RGS20: variants seen among roughly 807,000 people sequenced by gnomAD.
RGS20 encodes regulator of G protein signaling 20.
A neutral mutation model predicts 33.6 loss-of-function variants in RGS20; 30 were observed. That is an observed-to-expected ratio of 0.89 (90% CI 0.67 to 1.21). The LOEUF (loss-of-function observed/expected upper bound fraction) is 1.21, where lower values mean the gene tolerates loss of function less well. RGS20 is among the 50% of genes most tolerant of loss of function. RGS20 has a pLI of 0.00. For synonymous variants in RGS20, 208 were observed against 197.9 expected, an observed-to-expected ratio of 1.05 and a Z score of -0.43; for missense variants, 472 against 502.4, an observed-to-expected ratio of 0.94 and a Z score of 0.58.
At chr8:53,906,446 G>A (rs1172638281) in intron 2 of RGS20, among the ~76,000 whole-genome samples, 1 of 152,076 alleles carries the variant, frequency 6.6e-6, no homozygotes, top group African/African-American at 2.4e-5. Context: ...TAAGTGTGCT[G>A]GCAAATGTGG....
At chr8:53,904,968 A>G (rs1813126027) in intron 2 of RGS20, among the ~76,000 whole-genome samples, 1 of 152,228 alleles carries the variant, frequency 6.6e-6, no homozygotes, top group Non-Finnish European at 1.5e-5. Context: ...AGACACTCTT[A>G]TTATAGTCTT....
Position 53,888,687 on chromosome 8 carries a change from C to T in RGS20, c.510+9085C>T, listed in dbSNP as rs568475178. On this transcript the variant is annotated intron_variant, in intron 2 of 5. Coordinates refer to ENST00000297313, the MANE Select transcript of RGS20 (RefSeq NM_170587.4). ...AGATGAAGATATAGGATATTTTCAG[C>T]CCCCCGTGCTCTCCCAAAGATTCCG... Among the ~76,000 whole-genome samples the T allele has an allele frequency of 2.6e-5, 4 of 152,232 alleles. No homozygotes were observed. In the South Asian group the frequency reaches 8.3e-4, roughly 32 times the overall value.
Position 53,879,527 on chromosome 8 carries a change from T to A in RGS20, c.435T>A (p.Arg145=), listed in dbSNP as rs1368807075. 1 of 1,540,062 alleles carries A rather than the reference T, an allele frequency of 6.5e-7. No individual in the cohort carries two copies. The change falls in exon 2 of 6, where the codon CGT becomes CGA. Residue 145 remains arginine, a synonymous_variant. Coordinates refer to ENST00000297313, the MANE Select transcript of RGS20 (RefSeq NM_170587.4). ...TGCCCGGCCGACCCTCGGGGGGTCG[T>A]CCGCTGAGGCCCCCCCATCCGGTAG...
intron 2 of RGS20, among the ~76,000 whole-genome samples, chr8:53,927,793 T>C (rs1452658644): frequency 1.3e-5 from 2 of 152,162 alleles, no homozygotes; most frequent in Non-Finnish European, 2.9e-5. Context: ...CCCACAGATA[T>C]GATGAAGGCA....
chr8:53,875,164 G>A (rs1315163052), intron 1 of RGS20, among the ~76,000 whole-genome samples: 1 of 152,084 alleles, frequency 6.6e-6, no homozygotes, highest in Admixed American at 6.5e-5. Context: ...GGGCATGGTG[G>A]CTCACACCTA....
intron 1 of RGS20, among the ~76,000 whole-genome samples, chr8:53,857,434 C>A (rs939162518): frequency 2.0e-5 from 3 of 152,100 alleles, no homozygotes; most frequent in Non-Finnish European, 4.4e-5. Flanking sequence ...GAAAAAAGGT[C>A]TTCAATTATT....
intron 2 of RGS20, among the ~76,000 whole-genome samples, chr8:53,938,565 A>T (rs1296826931): frequency 2.6e-5 from 4 of 152,190 alleles, no homozygotes; most frequent in Non-Finnish European, 5.9e-5. Flanking sequence ...TAAATAAAAT[A>T]ATTAGAACAA....
At chr8:53,941,385 A>G (rs1195647608) in intron 3 of RGS20, among the ~76,000 whole-genome samples, 1 of 152,186 alleles carries the variant, frequency 6.6e-6, no homozygotes, top group African/African-American at 2.4e-5. Flanking sequence ...AGGCCAACCG[A>G]GTTTACTGCC....
intron 4 of RGS20, among the ~76,000 whole-genome samples, chr8:53,953,014 C>T (rs987480818): frequency 2.6e-5 from 4 of 151,962 alleles, no homozygotes; most frequent in African/African-American, 9.7e-5. Flanking sequence ...AGGAAAATGG[C>T]GCATTCATAA....
intron 5 of RGS20, among the ~76,000 whole-genome samples, chr8:53,956,346 C>T (rs1814863327): frequency 6.6e-6 from 1 of 152,032 alleles, no homozygotes; most frequent in Admixed American, 6.6e-5. Context: ...GGCATCATGG[C>T]GAAGTGTCTG....
At chr8:53,889,837 G>A (rs1812664308) in intron 2 of RGS20, among the ~76,000 whole-genome samples, 1 of 151,718 alleles carries the variant, frequency 6.6e-6, no homozygotes, top group Non-Finnish European at 1.5e-5. Flanking sequence ...CCTAGTTTCT[G>A]TTGGAAAGTT....
chr8:53,950,892 G>A (rs1288246902), intron 4 of RGS20, among the ~76,000 whole-genome samples: 1 of 152,132 alleles, frequency 6.6e-6, no homozygotes, highest in Admixed American at 6.5e-5. Flanking sequence ...TGGGATTACA[G>A]GCCAGAGTCT....
intron 5 of RGS20, among the ~76,000 whole-genome samples, chr8:53,955,363 G>C (rs1399467746): frequency 6.6e-6 from 1 of 151,994 alleles, no homozygotes; most frequent in African/African-American, 2.4e-5. Context: ...TTGTTATTCT[G>C]AGAAAAATCT....
intron 2 of RGS20, among the ~76,000 whole-genome samples, chr8:53,909,494 G>A (rs1217310319): frequency 2.6e-5 from 4 of 151,560 alleles, no homozygotes; most frequent in East Asian, 1.9e-4. Flanking sequence ...GAAGTGATCC[G>A]CCCATGGCCT....
chr8:53,856,942 G>A (rs1315255351), intron 1 of RGS20, among the ~76,000 whole-genome samples: 1 of 152,158 alleles, frequency 6.6e-6, no homozygotes, highest in Non-Finnish European at 1.5e-5. Flanking sequence ...AGACAATGGA[G>A]CCTTGTGTGA....
chr8:53,952,395 A>C (rs760366220), intron 4 of RGS20, among the ~76,000 whole-genome samples: 13 of 151,200 alleles, frequency 8.6e-5, no homozygotes, highest in African/African-American at 2.7e-4. Flanking sequence ...AGCAAGTTGC[A>C]GAAGACAACA....
chr8:53,920,832 C>T (rs554872871), intron 2 of RGS20, among the ~76,000 whole-genome samples: 2 of 152,266 alleles, frequency 1.3e-5, no homozygotes, highest in African/African-American at 4.8e-5. Flanking sequence ...AATTTCAGCT[C>T]ACTGCAACCT....
Position 53,902,140 on chromosome 8 carries a change from C to T in RGS20, c.510+22538C>T, listed in dbSNP as rs535859575. Among the ~76,000 whole-genome samples, 11 of 152,238 alleles carry T rather than the reference C, an allele frequency of 7.2e-5. No homozygotes were observed. The East Asian group carries it at 1.9e-3, about 27-fold the overall frequency. On this transcript the variant is annotated intron_variant, in intron 2 of 5. Transcript: ENST00000297313. ...CCAAGGAATTCTCCCACCTAAGCCT[C>T]CTGAGTAGCTGGGACTAGGCGCATG...
chr8:53,933,178 A>G (rs1487485666), intron 2 of RGS20, among the ~76,000 whole-genome samples: 1 of 152,208 alleles, frequency 6.6e-6, no homozygotes, highest in Admixed American at 6.5e-5. Flanking sequence ...AAGGCTGAAA[A>G]TTGCAAAAAC....
Sources: gnomAD v4.1 joint callset for allele counts (sites outside exome capture counted in the v4.1 genomes callset) on GRCh38, gnomAD v4.1.1 for gene constraint, MANE v1.5 for transcripts, NCBI Gene and HGNC (gene_info 2026-07-23, HGNC 2026-07-21) for gene names.